CHRNA1: variants seen among roughly 807,000 people sequenced by gnomAD.
CHRNA1 encodes the protein cholinergic receptor nicotinic alpha 1 subunit.
CHRNA1 carries 35 observed loss-of-function variants against 47.1 expected under a neutral mutation model. The observed-to-expected ratio is 0.74, with a 90% CI of 0.57 to 0.99. The LOEUF (loss-of-function observed/expected upper bound fraction) is 0.99, where lower values mean the gene tolerates loss of function less well. Ranked by LOEUF, CHRNA1 falls within the 50% of genes least tolerant of loss-of-function variation. CHRNA1 has a pLI of 0.00. For missense variants in CHRNA1, 506 were observed against 591.1 expected (o/e 0.86, Z 1.49); for synonymous variants, 229 against 223.6 (o/e 1.02, Z -0.22).
Position 174,764,363 on chromosome 2 carries a change from C to A in CHRNA1, c.32G>T (p.Ser11Ile). Residue 11 changes from serine (S) to isoleucine (I), a missense_variant, in exon 1 of 9, where the codon AGC (serine) becomes ATC (isoleucine). By Grantham distance (142) the Ser-to-Ile change is moderately radical (BLOSUM62 -2). Transcript: ENST00000348749. The part of the protein sequence containing the change: MEPWPLLLLF[S>I]LCSAGLVLGS... Reference sequence around the variant, plus strand: ...ACCCCAGCACTTACCTGAGCAAAGGCTAAAGAGCAGGAGGAGAGGCCAGGG... The same window carrying A: ...ACCCCAGCACTTACCTGAGCAAAGGATAAAGAGCAGGAGGAGAGGCCAGGG... The A allele has an allele frequency of 1.9e-6, 3 of 1,613,550 alleles. No individual in the cohort carries two copies. Among genetic ancestry groups the A allele is most frequent in the South Asian group, 1.1e-5 (1 of 90,856 alleles).
intron 5 of CHRNA1, 124 bp from the exon 6 acceptor site, chr2:174,753,864 G>C: frequency 2.2e-6 from 2 of 908,728 alleles, no homozygotes; most frequent in Non-Finnish European, 3.5e-6. Flanking sequence ...AGGAGGGACT[G>C]TGGGACACTA....
intron 8 of CHRNA1, 114 bp from the exon 9 acceptor site, chr2:174,748,369 C>T (rs1334296159): frequency 5.4e-6 from 8 of 1,480,832 alleles, no homozygotes; most frequent in Non-Finnish European, 6.5e-6. Flanking sequence ...AAAGTCCTCC[C>T]ATCCCTTGGC....
chr2:174,755,702 G>A (rs1683969394), intron 4 of CHRNA1, among the ~76,000 whole-genome samples: 1 of 152,204 alleles, frequency 6.6e-6, no homozygotes, highest in Non-Finnish European at 1.5e-5. Context: ...ACAGGCGTGA[G>A]CATTGCGCCC....
intron 3 of CHRNA1, among the ~76,000 whole-genome samples, chr2:174,758,514 C>T (rs953316932): frequency 2.0e-5 from 3 of 152,166 alleles, no homozygotes; most frequent in African/African-American, 7.2e-5. Context: ...ACATGACACT[C>T]AGGAAATGTT....
intron 4 of CHRNA1, among the ~76,000 whole-genome samples, chr2:174,755,857 G>A (rs548110750): frequency 1.3e-5 from 2 of 152,254 alleles, no homozygotes; most frequent in East Asian, 3.9e-4. Context: ...CCAACAGCGA[G>A]ACCTCATCTC....
rs1684005525 is a variant in CHRNA1, at chr2:174,757,563, C to T, written c.344+3G>A. On this transcript the variant is annotated splice_donor_region_variant and intron_variant, in intron 4 of 8. Transcript: ENST00000348749. ...CCCTCCGCCACCCATGCAGTTTGCT[C>T]ACTTGTTATAGAGAACAAGGTCTGG... 1 of 1,612,478 alleles carries T rather than the reference C, an allele frequency of 6.2e-7. No individual in the cohort carries two copies. The highest frequency in any genetic ancestry group is 8.5e-7 in the Non-Finnish European group (1 of 1,178,540).
At chr2:174,760,336 C>T (rs1335928608) in intron 1 of CHRNA1, among the ~76,000 whole-genome samples, 2 of 152,154 alleles carry the variant, frequency 1.3e-5, no homozygotes, top group African/African-American at 4.8e-5. Flanking sequence ...TTATGGTATA[C>T]CCCTACGATG....
chr2:174,755,301 G>A (rs1017986367), intron 4 of CHRNA1, among the ~76,000 whole-genome samples: 5 of 152,134 alleles, frequency 3.3e-5, no homozygotes, highest in Admixed American at 6.6e-5. Context: ...TGAACAGAGC[G>A]CCCCTCTCTC....
At position 174,748,035 on chromosome 2, in the gene CHRNA1, C is replaced by T. The variant is rs1296030722; in HGVS notation, c.*89G>A. The T allele has an allele frequency of 7.3e-6, 11 of 1,504,790 alleles. No individual in the cohort carries two copies. The highest frequency in any genetic ancestry group is 4.5e-5 in the East Asian group (2 of 44,278). The allele number at this position is 1,504,790 out of a possible 1,614,324, so 93.2% of individuals were successfully genotyped here. ...TGGAATATAACACGTTTGATAAGTG[C>T]GAGTGGAGCAAGTAGACAAATCTTC... On this transcript the variant is annotated 3_prime_UTR_variant, in exon 9 of 9. Transcript: ENST00000348749.
intron 3 of CHRNA1, among the ~76,000 whole-genome samples, chr2:174,758,988 A>G (rs562798094): frequency 6.6e-6 from 1 of 152,296 alleles, no homozygotes; most frequent in Middle Eastern, 3.4e-3. Flanking sequence ...AGCTGAAGAG[A>G]GAGTCCTAGG....
In CHRNA1 at chr2:174,764,455, C is replaced by A; in HGVS notation, c.-61G>T. 6.4e-7 allele frequency: 1 copy of A among 1,560,866 alleles called. No homozygotes were observed. The highest frequency in any genetic ancestry group is 1.1e-5 in the South Asian group (1 of 87,408). On this transcript the variant is annotated 5_prime_UTR_variant, in exon 1 of 9. Transcript: ENST00000348749. Reference sequence around the variant, plus strand: ...GTGGCCTGTGCTTCTCACTGGCACTCTGGCTGGGTGCTTGTCTGCTGGAGG... The same window carrying A: ...GTGGCCTGTGCTTCTCACTGGCACTATGGCTGGGTGCTTGTCTGCTGGAGG...
Position 174,748,793 on chromosome 2 carries a change from G to T in CHRNA1, c.1029C>A (p.Ile343=). Residue 343 remains isoleucine (I), a synonymous_variant, in exon 8 of 9, where the codon ATC becomes ATA. Coordinates refer to ENST00000348749, the MANE Select transcript of CHRNA1 (RefSeq NM_000079.4). ...GTCTTTTCATTGTGGAGAAAAACAT[G>T]ATATTTGGGATAGTGTCGATAAAAA... ...RKVFIDTIPN[I]MFFSTMKRPS... 1 of 1,614,116 alleles carries T rather than the reference G, an allele frequency of 6.2e-7. No homozygotes were observed. Among genetic ancestry groups the T allele is most frequent in the South Asian group, 1.1e-5 (1 of 91,066 alleles).
chr2:174,762,631 C>T (rs1050943170), intron 1 of CHRNA1, among the ~76,000 whole-genome samples: 8 of 152,048 alleles, frequency 5.3e-5, no homozygotes, highest in Admixed American at 1.3e-4. Flanking sequence ...GTAAGAAAGA[C>T]GGCAATGAAG....
Position 174,748,273 on chromosome 2 carries a change from G to A in CHRNA1, c.1243-18C>T. The A allele has an allele frequency of 6.2e-7, 1 of 1,613,852 alleles. No individual in the cohort carries two copies. Among genetic ancestry groups the A allele is most frequent in the South Asian group, 1.1e-5 (1 of 91,060 alleles). ...GCCGCCGCCTGGGAGAGAGGAAAATGTTAGACAGAGTCTCCCTAAGGTGGT... is the reference window on the plus strand; with the variant it reads ...GCCGCCGCCTGGGAGAGAGGAAAATATTAGACAGAGTCTCCCTAAGGTGGT... On this transcript the variant is annotated intron_variant, in intron 8 of 8. Coordinates refer to ENST00000348749, the MANE Select transcript of CHRNA1 (RefSeq NM_000079.4).
Position 174,747,955 on chromosome 2 carries a change from A to G in CHRNA1, c.*169T>C. 1.2e-6 allele frequency: 1 copy of G among 831,918 alleles called. No homozygotes were observed. The allele number at this position is 831,918 out of a possible 1,614,324, so 51.5% of individuals were successfully genotyped here. On this transcript the variant is annotated 3_prime_UTR_variant, in exon 9 of 9. Coordinates refer to ENST00000348749, the MANE Select transcript of CHRNA1 (RefSeq NM_000079.4). ...AACTAAAGGGAGAAGCAATATGAAA[A>G]CACTTCAAGGCCATAAACTTACATA... is the stretch of plus-strand genomic sequence containing the variant.
intron 4 of CHRNA1, among the ~76,000 whole-genome samples, chr2:174,756,036 C>A (rs1222555921): frequency 5.0e-5 from 7 of 140,908 alleles, no homozygotes; most frequent in Non-Finnish European, 6.2e-5. Flanking sequence ...GACCTTGTCT[C>A]AAAAAAAAAA....
chr2:174,750,235 C>A, intron 6 of CHRNA1, 66 bp from the exon 7 acceptor site: 1 of 1,215,806 alleles, frequency 8.2e-7, no homozygotes, highest in Non-Finnish European at 1.2e-6. Context: ...TGCAGTGTTC[C>A]TCCCACCCCA....
chr2:174,750,906 C>T (rs570918857), intron 6 of CHRNA1, among the ~76,000 whole-genome samples: 7 of 152,280 alleles, frequency 4.6e-5, no homozygotes, highest in Admixed American at 2.0e-4. Context: ...CCTCATAAAA[C>T]GGAACCACCC....
chr2:174,757,432 A>C (rs939840385), intron 4 of CHRNA1, 134 bp downstream of exon 4: 1 of 684,034 alleles, frequency 1.5e-6, no homozygotes, highest in Non-Finnish European at 2.6e-6. Context: ...CTGAGTTTAC[A>C]GGTGTGAGCC....
Sources: allele counts gnomAD v4.1 joint callset (sites outside exome capture counted in the v4.1 genomes callset), GRCh38; gene constraint gnomAD v4.1.1; transcripts MANE v1.5; gene names NCBI Gene and HGNC (gene_info 2026-07-23, HGNC 2026-07-21).